PXDNL: variants seen among roughly 807,000 people sequenced by gnomAD.
The protein encoded by PXDNL is probable oxidoreductase PXDNL.
PXDNL carries 145 observed loss-of-function variants against 150.8 expected under a neutral mutation model. The ratio of observed to expected loss-of-function variants is 0.96; its 90% CI spans 0.84 to 1.10. The LOEUF (loss-of-function observed/expected upper bound fraction) is 1.10, where lower values mean the gene tolerates loss of function less well. PXDNL is among the 50% of genes least tolerant of loss of function. The probability of loss-of-function intolerance (pLI) is 0.00; values close to 1 mark genes in which losing one functional copy is unlikely to be tolerated. For missense variants in PXDNL, 2,087 were observed against 1,873.9 expected (o/e 1.11, Z -2.10); for synonymous variants, 757 against 725.7 (o/e 1.04, Z -0.69).
chr8:51,408,882 C>T lies in PXDNL; in HGVS notation c.2742G>A (p.Ser914=), dbSNP rs570625073. Residue 914 remains serine, a synonymous_variant, in exon 17 of 23, where the codon TCG becomes TCA. Transcript: ENST00000356297. The part of the protein sequence containing the change: ...ERESQALRDP[S]VPRGLLKTGF... ...CTGTCTTCAGGAGACCCCGAGGCACCGAAGGGTCTCTGAGAGCCTGGGATT... is the reference window on the plus strand; with the variant it reads ...CTGTCTTCAGGAGACCCCGAGGCACTGAAGGGTCTCTGAGAGCCTGGGATT... 1.9e-6 allele frequency: 3 copies of T among 1,600,864 alleles called. No individual in the cohort carries two copies. Among genetic ancestry groups the T allele is most frequent in the East Asian group, 2.2e-5 (1 of 44,732 alleles).
chr8:51,525,258 G>A (rs1290886823), intron 4 of PXDNL, among the ~76,000 whole-genome samples: 1 of 152,124 alleles, frequency 6.6e-6, no homozygotes, highest in Non-Finnish European at 1.5e-5. Context: ...TTTTTGTGAA[G>A]ATTACATATT....
intron 1 of PXDNL, among the ~76,000 whole-genome samples, chr8:51,743,334 C>T (rs2036927612): frequency 1.3e-5 from 2 of 152,026 alleles, no homozygotes; most frequent in Admixed American, 1.3e-4. Context: ...TCTCCTGCCT[C>T]AGCCTCCTGA....
chr8:51,502,596 T>G (rs1421854587), intron 4 of PXDNL, among the ~76,000 whole-genome samples: 1 of 152,032 alleles, frequency 6.6e-6, no homozygotes, highest in Non-Finnish European at 1.5e-5. Flanking sequence ...GGGTCTGTGG[T>G]TTAGCCAACC....
At chr8:51,602,710 A>G (rs1048699598) in intron 2 of PXDNL, among the ~76,000 whole-genome samples, 5 of 151,672 alleles carry the variant, frequency 3.3e-5, no homozygotes, top group African/African-American at 1.2e-4. Context: ...TTTGTTTTGT[A>G]TCTTTTCTTT....
chr8:51,605,586 C>T (rs1813821861), intron 2 of PXDNL, among the ~76,000 whole-genome samples: 2 of 152,018 alleles, frequency 1.3e-5, no homozygotes, highest in African/African-American at 2.4e-5. Flanking sequence ...GAAGATGAGG[C>T]TCTTAAATGT....
chr8:51,563,907 T>C (rs1481267568), intron 3 of PXDNL, among the ~76,000 whole-genome samples: 1 of 151,926 alleles, frequency 6.6e-6, no homozygotes, highest in Non-Finnish European at 1.5e-5. Flanking sequence ...TTTCAAGTAA[T>C]AATATATGTG....
intron 1 of PXDNL, among the ~76,000 whole-genome samples, chr8:51,656,179 A>G (rs1815146152): frequency 6.6e-6 from 1 of 152,212 alleles, no homozygotes. Flanking sequence ...ACTCTTCACC[A>G]CCATAAAAAG....
intron 2 of PXDNL, among the ~76,000 whole-genome samples, chr8:51,644,366 ATG>A (rs1197345629): frequency 2.6e-5 from 2 of 77,814 alleles, no homozygotes; most frequent in African/African-American, 4.5e-5. Context: ...ACACACACAT[ATG>A]TATATATATA....
intron 2 of PXDNL, among the ~76,000 whole-genome samples, chr8:51,608,133 T>C (rs557440979): frequency 1.4e-5 from 2 of 147,848 alleles, no homozygotes; most frequent in African/African-American, 2.6e-5. Context: ...CTCACGCCTG[T>C]AATCCCAGCA....
At chr8:51,775,810 A>T (rs951875124) in intron 1 of PXDNL, among the ~76,000 whole-genome samples, 1 of 152,232 alleles carries the variant, frequency 6.6e-6, no homozygotes, top group Non-Finnish European at 1.5e-5. Flanking sequence ...TTGAAAAAAG[A>T]ACAGGATAAC....
At chr8:51,554,150 C>G (rs1287589731) in intron 4 of PXDNL, among the ~76,000 whole-genome samples, 1 of 152,130 alleles carries the variant, frequency 6.6e-6, no homozygotes, top group Admixed American at 6.5e-5. Context: ...AATCTGCTGC[C>G]AAGGCTTACC....
chr8:51,611,532 T>C (rs892731736), intron 2 of PXDNL, among the ~76,000 whole-genome samples: 2 of 152,200 alleles, frequency 1.3e-5, no homozygotes, highest in African/African-American at 4.8e-5. Context: ...CCTTCAACAA[T>C]CTCAAAAATC....
chr8:51,446,837 T>G (rs1809687307), intron 12 of PXDNL, among the ~76,000 whole-genome samples, 167 bp downstream of exon 12: 1 of 151,970 alleles, frequency 6.6e-6, no homozygotes, highest in African/African-American at 2.4e-5. Context: ...AAAACTGAAG[T>G]TATATAAAAG....
At chr8:51,801,753 T>C (rs1399422864) in intron 1 of PXDNL, among the ~76,000 whole-genome samples, 1 of 152,220 alleles carries the variant, frequency 6.6e-6, no homozygotes, top group Non-Finnish European at 1.5e-5. Context: ...CCACTTATGT[T>C]CTAATTGTAT....
intron 1 of PXDNL, among the ~76,000 whole-genome samples, chr8:51,673,692 T>C (rs1293986307): frequency 2.6e-5 from 4 of 152,164 alleles, no homozygotes; most frequent in African/African-American, 4.8e-5. Context: ...ATCCTTTTAA[T>C]GCAAAGAATC....
intron 1 of PXDNL, among the ~76,000 whole-genome samples, chr8:51,755,239 A>G (rs530980503): frequency 6.6e-6 from 1 of 152,302 alleles, no homozygotes; most frequent in African/African-American, 2.4e-5. Context: ...TCATAATGAT[A>G]AAATGTTAAA....
At chr8:51,403,455 A>G (rs1808330675) in intron 17 of PXDNL, among the ~76,000 whole-genome samples, 1 of 152,176 alleles carries the variant, frequency 6.6e-6, no homozygotes, top group Non-Finnish European at 1.5e-5. Context: ...TTCCATGTAC[A>G]ATTCCACTTA....
chr8:51,771,401 T>A (rs1411799876), intron 1 of PXDNL, among the ~76,000 whole-genome samples: 2 of 152,138 alleles, frequency 1.3e-5, no homozygotes, highest in Admixed American at 1.3e-4. Flanking sequence ...AAAATAAACA[T>A]TTAAATTATG....
intron 8 of PXDNL, among the ~76,000 whole-genome samples, chr8:51,471,220 C>A (rs985957072): frequency 2.3e-4 from 35 of 150,350 alleles, no homozygotes; most frequent in African/African-American, 7.1e-4. Context: ...ATGCAGCCAA[C>A]AAACATGAAA....
Sources: allele counts gnomAD v4.1 joint callset (sites outside exome capture counted in the v4.1 genomes callset), GRCh38; gene constraint gnomAD v4.1.1; transcripts MANE v1.5; gene names NCBI Gene and HGNC (gene_info 2026-07-23, HGNC 2026-07-21).